GABRA4: variants seen among roughly 807,000 people sequenced by gnomAD.
GABRA4 encodes gamma-aminobutyric acid type A receptor subunit alpha4.
GABRA4 carries 12 observed loss-of-function variants against 49.7 expected under a neutral mutation model. That is an observed-to-expected ratio of 0.24 (90% CI 0.15 to 0.39). The LOEUF is 0.39. Ranked by LOEUF, GABRA4 falls within the 10% of genes least tolerant of loss-of-function variation. The pLI is 1.00. For synonymous variants in GABRA4, 288 were observed against 240.2 expected (o/e 1.20, Z -1.84); for missense variants, 506 against 686.0 (o/e 0.74, Z 2.93).
chr4:46,932,179 C>T (rs2109937959), intron 8 of GABRA4, among the ~76,000 whole-genome samples: 1 of 152,216 alleles, frequency 6.6e-6, no homozygotes, highest in South Asian at 2.1e-4. Context: ...TTGCCTAATC[C>T]ACACGCTAGC....
chr4:46,971,442 C>T lies in GABRA4; in HGVS notation c.722-207G>A, dbSNP rs553793977. On this transcript the variant is annotated intron_variant, in intron 6 of 8. Transcript: ENST00000264318. ...TATTATACAGAAAAACTCTTTGTTC[C>T]GTGTAATGATTAAGCAATTTAACAA... Among the ~76,000 whole-genome samples the T allele has an allele frequency of 4.2e-4, 64 of 151,516 alleles. No individual in the cohort carries two copies. In the South Asian group the frequency reaches 6.7e-3, roughly 16 times the overall value.
chr4:46,922,488 C>A lies in GABRA4; in HGVS notation c.*5737G>T, dbSNP rs1721072415. On this transcript the variant is annotated 3_prime_UTR_variant, in exon 9 of 9. Coordinates refer to ENST00000264318, the MANE Select transcript of GABRA4 (RefSeq NM_000809.4). ...GGGAGATAAAACCTCAATGAAAAAG[C>A]AGATGAAGCTCACGCCAGATAAAAA... 6.6e-6 allele frequency: 1 copy of A among 152,054 alleles called. No homozygotes were observed. Among genetic ancestry groups the A allele is most frequent in the South Asian group, 2.1e-4 (1 of 4,820 alleles). The allele number at this position is 152,054 out of a possible 1,614,324, so 9.4% of individuals were successfully genotyped here. A position where few individuals can be genotyped will look rare whatever the true frequency, so the allele number is the denominator to read the frequency against.
intron 7 of GABRA4, among the ~76,000 whole-genome samples, chr4:46,970,479 T>C (rs1722911579): frequency 6.6e-6 from 1 of 151,490 alleles, no homozygotes; most frequent in Non-Finnish European, 1.5e-5. Flanking sequence ...TGTAAACTCA[T>C]ATGCTCTGAA....
chr4:46,934,380 G>A (rs1721536974), intron 8 of GABRA4, among the ~76,000 whole-genome samples: 1 of 152,108 alleles, frequency 6.6e-6, no homozygotes. Flanking sequence ...AATATCAACA[G>A]CATTTTTAGA....
chr4:46,969,389 C>T (rs1001123379), intron 7 of GABRA4, among the ~76,000 whole-genome samples: 1 of 151,456 alleles, frequency 6.6e-6, no homozygotes, highest in African/African-American at 2.4e-5. Flanking sequence ...AGTTAAGAGA[C>T]TTTGGATGCT....
In GABRA4 at chr4:46,928,273, A is replaced by C. The variant is rs201181051; in HGVS notation, c.1617T>G (p.Val539=). The change falls in exon 9 of 9, where the codon GTT becomes GTG. Residue 539 remains valine, a synonymous_variant. Transcript: ENST00000264318. ...CCATAGTGTCCTTAGATAAATAAAC[A>C]ACCCAATAAACCATGTTAAATGCCC... is the stretch of plus-strand genomic sequence containing the variant. ...TFGAFNMVYW[V]VYLSKDTMEK... The C allele has an allele frequency of 5.0e-6, 8 of 1,612,894 alleles. No individual in the cohort carries two copies. The highest frequency in any genetic ancestry group is 6.8e-6 in the Non-Finnish European group (8 of 1,179,488).
chr4:46,979,543 A>T (rs1229691482), intron 2 of GABRA4, among the ~76,000 whole-genome samples: 3 of 152,076 alleles, frequency 2.0e-5, no homozygotes, highest in African/African-American at 7.2e-5. Flanking sequence ...AGAGCTGAGG[A>T]TACTAGTAAA....
rs1721241864 is a variant in GABRA4 at position 46,926,694 on chromosome 4, C to A, written c.*1531G>T. On this transcript the variant is annotated 3_prime_UTR_variant, in exon 9 of 9. Coordinates refer to ENST00000264318, the MANE Select transcript of GABRA4 (RefSeq NM_000809.4). ...ATTCCAGAGCAGATAGAGAGAAGCA[C>A]AGAAGAAAATCTAGAGGCAATATGA... 6.6e-6 allele frequency: 1 copy of A among 151,776 alleles called. No homozygotes were observed. The highest frequency in any genetic ancestry group is 1.5e-5 in the Non-Finnish European group (1 of 67,896). The allele number at this position is 151,776 out of a possible 1,614,324, so 9.4% of individuals were successfully genotyped here. A position where few individuals can be genotyped will look rare whatever the true frequency, so the allele number is the denominator to read the frequency against.
chr4:46,948,533 A>G lies in GABRA4; in HGVS notation c.1134+16437T>C, dbSNP rs555338729. On this transcript the variant is annotated intron_variant, in intron 8 of 8. Coordinates refer to ENST00000264318, the MANE Select transcript of GABRA4 (RefSeq NM_000809.4). ...CCAGATTGGCCTGAAATAAACATATATAATATTTTATTTCATGTAGCTATT... is the reference window on the plus strand; with the variant it reads ...CCAGATTGGCCTGAAATAAACATATGTAATATTTTATTTCATGTAGCTATT... Among the ~76,000 whole-genome samples the G allele has an allele frequency of 2.2e-4, 34 of 152,154 alleles. No homozygotes were observed. In the South Asian group the frequency reaches 6.8e-3, roughly 31 times the overall value.
intron 7 of GABRA4, among the ~76,000 whole-genome samples, chr4:46,968,955 T>C (rs1332645186): frequency 6.6e-6 from 1 of 151,696 alleles, no homozygotes; most frequent in Non-Finnish European, 1.5e-5. Context: ...AATGCCATAC[T>C]AATAAATAAC....
intron 8 of GABRA4, among the ~76,000 whole-genome samples, chr4:46,950,646 A>C (rs527713294): frequency 1.3e-5 from 2 of 151,836 alleles, no homozygotes; most frequent in South Asian, 2.1e-4. Flanking sequence ...TGTGAAAGTT[A>C]AGTGCCTAAC....
chr4:46,948,111 A>G (rs1722043860), intron 8 of GABRA4, among the ~76,000 whole-genome samples: 1 of 152,082 alleles, frequency 6.6e-6, no homozygotes, highest in Admixed American at 6.6e-5. Flanking sequence ...ACTACTCTCA[A>G]TATATCAAGA....
At chr4:46,974,148 T>C in intron 6 of GABRA4, 84 bp downstream of exon 6, 1 of 1,376,710 alleles carries the variant, frequency 7.3e-7, no homozygotes, top group South Asian at 1.5e-5. Context: ...CCTGAAAAAA[T>C]TAACTATTTC....
At chr4:46,958,898 A>G (rs1055462520) in intron 8 of GABRA4, among the ~76,000 whole-genome samples, 14 of 151,984 alleles carry the variant, frequency 9.2e-5, no homozygotes, top group African/African-American at 3.1e-4. Flanking sequence ...GTAGACTCTA[A>G]AGACAATTCA....
In GABRA4 at chr4:46,925,201, C is replaced by A. The variant is rs981945481; in HGVS notation, c.*3024G>T. 1.3e-5 allele frequency: 2 copies of A among 151,880 alleles called. No individual in the cohort carries two copies. The highest frequency in any genetic ancestry group is 4.8e-5 in the African/African-American group (2 of 41,390). 9.4% of individuals were successfully genotyped at this position (151,880 alleles called of 1,614,324 possible). A position where few individuals can be genotyped will look rare whatever the true frequency, so the allele number is the denominator to read the frequency against. On this transcript the variant is annotated 3_prime_UTR_variant, in exon 9 of 9. Coordinates refer to ENST00000264318, the MANE Select transcript of GABRA4 (RefSeq NM_000809.4). ...CTGTGATTTTATCTTTGTCATGTAA[C>A]TTCTCTGTGACTCATTTCATCAAAA...
At chr4:46,988,466 G>C (rs1052620895) in intron 2 of GABRA4, among the ~76,000 whole-genome samples, 1 of 152,084 alleles carries the variant, frequency 6.6e-6, no homozygotes, top group Admixed American at 6.5e-5. Context: ...TGCTCTTTTT[G>C]TCTATGTATT....
At position 46,927,419 on chromosome 4, in the gene GABRA4, T is replaced by A. The variant is rs1363146273; in HGVS notation, c.*806A>T. 2.0e-5 allele frequency: 3 copies of A among 152,556 alleles called. No individual in the cohort carries two copies. Among genetic ancestry groups the A allele is most frequent in the Admixed American group, 1.3e-4 (2 of 15,236 alleles). 9.5% of individuals were successfully genotyped at this position (152,556 alleles called of 1,614,324 possible). Reference sequence around the variant, plus strand: ...TTATGGTTCTTTGGCATGCATTGACTGTTCTACTTTTTAAGTAATATTGTA... The same window carrying A: ...TTATGGTTCTTTGGCATGCATTGACAGTTCTACTTTTTAAGTAATATTGTA... On this transcript the variant is annotated 3_prime_UTR_variant, in exon 9 of 9. Transcript: ENST00000264318.
rs1259578936 is a variant in GABRA4 at position 46,977,724 on chromosome 4, A to G, written c.274-94T>C. 6.3e-6 allele frequency: 5 copies of G among 798,392 alleles called. No individual in the cohort carries two copies. The Admixed American group carries it at 1.1e-4, about 17-fold the overall frequency. The allele number at this position is 798,392 out of a possible 1,614,324, so 49.5% of individuals were successfully genotyped here. Reference sequence around the variant, plus strand: ...TTAAATTCTGTCTTCCTTCATGCTCATAAAAAAATACCACTCCAAATAAAA... The same window carrying G: ...TTAAATTCTGTCTTCCTTCATGCTCGTAAAAAAATACCACTCCAAATAAAA... On this transcript the variant is annotated intron_variant, in intron 3 of 8. Transcript: ENST00000264318.
chr4:46,964,865 T>C, intron 8 of GABRA4, 105 bp downstream of exon 8: 1 of 1,220,990 alleles, frequency 8.2e-7, no homozygotes, highest in Non-Finnish European at 1.1e-6. Flanking sequence ...TTAAATGACT[T>C]ACAAGTTGAT....
Sources: gnomAD v4.1 joint callset for allele counts (sites outside exome capture counted in the v4.1 genomes callset) on GRCh38, gnomAD v4.1.1 for gene constraint, MANE v1.5 for transcripts, NCBI Gene and HGNC (gene_info 2026-07-23, HGNC 2026-07-21) for gene names.